The following MED13L variants were observed in gnomAD, a reference collection of about 807,000 sequenced individuals.
MED13L encodes mediator of RNA polymerase II transcription subunit 13-like.
MED13L carries 7 observed loss-of-function variants against 220.9 expected under a neutral mutation model. The observed-to-expected ratio is 0.03, with a 90% CI of 0.02 to 0.06. MED13L has a LOEUF of 0.06. Among genes scored for constraint, MED13L ranks in the 10% least tolerant of loss-of-function variants. The probability of loss-of-function intolerance (pLI) is 1.00; values close to 1 mark genes in which losing one functional copy is unlikely to be tolerated. For synonymous variants in MED13L, 1,011 were observed against 1,015.2 expected (o/e 1.00, Z 0.08); for missense variants, 1,965 against 2,760.5 (o/e 0.71, Z 6.46).
rs183772770 is a variant in MED13L, at chr12:115,983,439, C to G, written c.4633G>C (p.Ala1545Pro). 1.2e-6 allele frequency: 2 copies of G among 1,614,204 alleles called. No individual in the cohort carries two copies. Among genetic ancestry groups the G allele is most frequent in the Admixed American group, 3.3e-5 (2 of 60,036 alleles). The change falls in exon 21 of 31, where the codon GCT becomes CCT. Residue 1545 changes from alanine (A) to proline (P), a missense_variant. Ala to Pro is a conservative substitution (Grantham distance 27). This residue lies in a region of MED13L where 510 missense variants were observed against 620.4 expected (regional missense o/e 0.82). Transcript: ENST00000281928. ...AAQGQATPGN[A>P]GPLAPNGSAA... is the part of the protein sequence containing the mutation. ...GATCCATTTGGAGCTAAGGGCCCAG[C>G]ATTCCCTGGCGTAGCTTGTCCCTGT... is the stretch of plus-strand genomic sequence containing the variant.
chr12:116,193,261 C>G (rs1338605011), intron 2 of MED13L, among the ~76,000 whole-genome samples: 1 of 151,792 alleles, frequency 6.6e-6, no homozygotes, highest in Non-Finnish European at 1.5e-5. Flanking sequence ...CAGTGAGCTA[C>G]GATCATGCCA....
chr12:116,057,412 T>C (rs574436342), intron 4 of MED13L, among the ~76,000 whole-genome samples: 2 of 151,972 alleles, frequency 1.3e-5, no homozygotes, highest in African/African-American at 4.8e-5. Flanking sequence ...TCTTCAGGGG[T>C]AGAACTAATT....
intron 2 of MED13L, chr12:116,236,817 T>C: frequency 3.1e-6 from 3 of 978,110 alleles, no homozygotes; most frequent in Non-Finnish European, 3.6e-6. Flanking sequence ...AATGAAACTC[T>C]TACATTAATT....
At chr12:115,978,331 T>C (rs911225896) in intron 23 of MED13L, among the ~76,000 whole-genome samples, 3 of 149,012 alleles carry the variant, frequency 2.0e-5, no homozygotes, top group Non-Finnish European at 3.0e-5. Context: ...TTTTTCTTTT[T>C]TTTTTTTTTT....
At chr12:116,223,655 G>C (rs548349065) in intron 2 of MED13L, among the ~76,000 whole-genome samples, 1 of 152,162 alleles carries the variant, frequency 6.6e-6, no homozygotes, top group African/African-American at 2.4e-5. Context: ...GGTGAGCAGA[G>C]ATCACACCAT....
chr12:116,089,035 A>C (rs368758770), intron 4 of MED13L, among the ~76,000 whole-genome samples: 5 of 152,218 alleles, frequency 3.3e-5, no homozygotes, highest in East Asian at 3.8e-4. Flanking sequence ...GACATAAAGG[A>C]AAATGTGCTC....
At chr12:116,178,500 A>T (rs1318313463) in intron 2 of MED13L, among the ~76,000 whole-genome samples, 2 of 152,222 alleles carry the variant, frequency 1.3e-5, no homozygotes, top group Non-Finnish European at 2.9e-5. Flanking sequence ...AGCTATGCAT[A>T]ATCATTTAAA....
chr12:115,986,512 A>C (rs777926709), intron 18 of MED13L, 23 bp from the exon 19 acceptor site: 1 of 1,607,774 alleles, frequency 6.2e-7, no homozygotes, highest in Non-Finnish European at 8.5e-7. Context: ...TGTAGTGTAG[A>C]AAGGTGCTAG....
In MED13L at chr12:115,983,608, G is replaced by A. The variant is rs1225379674; in HGVS notation, c.4532-68C>T. ...CAGTGTCGGACTGAACCAGAATCTA[G>A]AATGGTCACTTGTAAAAACATTATG... On this transcript the variant is annotated intron_variant, in intron 20 of 30. Transcript: ENST00000281928. The A allele has an allele frequency of 5.9e-6, 9 of 1,527,564 alleles. No homozygotes were observed. The East Asian group carries it at 1.8e-4, about 31-fold the overall frequency. The allele number at this position is 1,527,564 out of a possible 1,614,324, so 94.6% of individuals were successfully genotyped here. A position where few individuals can be genotyped will look rare whatever the true frequency, so the allele number is the denominator to read the frequency against.
rs1426621404 is a variant in MED13L at position 116,277,669 on chromosome 12, C to T, written c.-538G>A. On this transcript the variant is annotated 5_prime_UTR_variant, in exon 1 of 31. Coordinates refer to ENST00000281928, the MANE Select transcript of MED13L (RefSeq NM_015335.5). ...GTCAGCCTCGCTTCTCCTCCCTCCC[C>T]GGGCTCGCTTGCTCTGACAGCAATG... 6.7e-6 allele frequency among the ~76,000 whole-genome samples: 1 copy of T among 149,792 alleles called. No individual in the cohort carries two copies. The highest frequency in any genetic ancestry group is 1.5e-5 in the Non-Finnish European group (1 of 67,048).
At chr12:116,143,094 G>C (rs1335924081) in intron 2 of MED13L, among the ~76,000 whole-genome samples, 1 of 152,144 alleles carries the variant, frequency 6.6e-6, no homozygotes, top group East Asian at 1.9e-4. Context: ...AACTACATCA[G>C]TAGCTAACCA....
chr12:115,961,510 T>C (rs543569377), intron 30 of MED13L, 112 bp from the exon 31 acceptor site: 14 of 1,410,574 alleles, frequency 9.9e-6, no homozygotes, highest in African/African-American at 9.9e-5. Flanking sequence ...AGGCATTCCT[T>C]AACTTGCCCC....
At chr12:116,029,230 G>T (rs1412878658) in intron 4 of MED13L, among the ~76,000 whole-genome samples, 1 of 106,854 alleles carries the variant, frequency 9.4e-6, no homozygotes, top group Non-Finnish European at 1.8e-5. Flanking sequence ...GGATTGGTCA[G>T]AGAAAAGCTT....
intron 2 of MED13L, among the ~76,000 whole-genome samples, chr12:116,145,466 T>C (rs1877403122): frequency 6.6e-6 from 1 of 152,128 alleles, no homozygotes; most frequent in African/African-American, 2.4e-5. Flanking sequence ...ATAAATGGCA[T>C]ACAGTTCCTC....
Position 116,208,300 on chromosome 12 carries a change from G to A in MED13L, c.310+29168C>T, listed in dbSNP as rs146545395. Reference sequence around the variant, plus strand: ...TAATCCCAGCTACTCTGGAGGCTGCGCAGGAGAATCACTTGAACTCAGGAG... The same window carrying A: ...TAATCCCAGCTACTCTGGAGGCTGCACAGGAGAATCACTTGAACTCAGGAG... On this transcript the variant is annotated intron_variant, in intron 2 of 30. Coordinates refer to ENST00000281928, the MANE Select transcript of MED13L (RefSeq NM_015335.5). Among the ~76,000 whole-genome samples, 71 of 152,330 alleles carry A rather than the reference G, an allele frequency of 4.7e-4. No homozygotes were observed. The East Asian group carries it at 5.8e-3, about 12-fold the overall frequency.
At chr12:116,012,109 AATC>A (rs1879447586) in intron 9 of MED13L, among the ~76,000 whole-genome samples, 1 of 152,214 alleles carries the variant, frequency 6.6e-6, no homozygotes, top group Admixed American at 6.5e-5. Context: ...CGTGGTGAAA[AATC>A]ATCACCACTT....
chr12:116,215,550 T>C (rs1193993314), intron 2 of MED13L, among the ~76,000 whole-genome samples: 1 of 152,206 alleles, frequency 6.6e-6, no homozygotes, highest in South Asian at 2.1e-4. Context: ...CCTAAAGTGC[T>C]GGGATCGTAT....
chr12:116,090,032 C>A (rs181679894), intron 4 of MED13L, among the ~76,000 whole-genome samples: 170 of 152,258 alleles, frequency 1.1e-3, no homozygotes, highest in African/African-American at 3.8e-3. Context: ...TTCTACGGTA[C>A]TTAGGCTCAG....
rs555538059 is a variant in MED13L, at chr12:116,245,612, G to A, written c.73-7907C>T. On this transcript the variant is annotated intron_variant, in intron 1 of 30. Coordinates refer to ENST00000281928, the MANE Select transcript of MED13L (RefSeq NM_015335.5). ...ATGGTGCAACCATTTAAAAACAACA[G>A]GATGCTATTTCAGGAGAGAATTTTT... is the stretch of plus-strand genomic sequence containing the variant. Among the ~76,000 whole-genome samples, 230 of 152,084 alleles carry A rather than the reference G, an allele frequency of 1.5e-3. 1 individual carries two copies. Among genetic ancestry groups the A allele is most frequent in the African/African-American group, 5.3e-3 (218 of 41,474 alleles).
Sources: allele counts gnomAD v4.1 joint callset (sites outside exome capture counted in the v4.1 genomes callset), GRCh38; gene constraint gnomAD v4.1.1; regional missense constraint gnomAD v4.1.1; transcripts MANE v1.5; gene names NCBI Gene and HGNC (gene_info 2026-07-23, HGNC 2026-07-21).